The following SPEF2 variants were observed in gnomAD, a reference collection of about 807,000 sequenced individuals.
SPEF2 encodes the protein sperm flagella and cilia-associated protein 2.
Under a neutral mutation model 224.6 loss-of-function variants are expected in SPEF2, and 187 were observed. The observed-to-expected ratio is 0.83, with a 90% CI of 0.74 to 0.94. The LOEUF is 0.94. SPEF2 is among the 40% of genes least tolerant of loss of function. The probability of loss-of-function intolerance (pLI) is 0.00; values close to 1 mark genes in which losing one functional copy is unlikely to be tolerated. For synonymous variants in SPEF2, 715 were observed against 707.3 expected, an observed-to-expected ratio of 1.01 and a Z score of -0.17; for missense variants, 2,170 against 2,135.6, an observed-to-expected ratio of 1.02 and a Z score of -0.32.
chr5:35,763,718 T>A lies in SPEF2; in HGVS notation c.3801+16T>A. 1.4e-5 allele frequency: 22 copies of A among 1,588,680 alleles called. No homozygotes were observed. Among genetic ancestry groups the A allele is most frequent in the Non-Finnish European group, 1.9e-5 (22 of 1,171,720 alleles). On this transcript the variant is annotated intron_variant, in intron 26 of 36. Transcript: ENST00000356031. ...ATCTCACATGGTAAGCAGTGCTCGT[T>A]ATATTTTCTGTTAGTAATACACATT...
At chr5:35,707,924 T>C (rs1209499229) in intron 18 of SPEF2, among the ~76,000 whole-genome samples, 1 of 152,182 alleles carries the variant, frequency 6.6e-6, no homozygotes, top group African/African-American at 2.4e-5. Context: ...CCTTACTCTG[T>C]TCTATTTTTT....
chr5:35,621,837 AG>A (rs1302341382), intron 1 of SPEF2, among the ~76,000 whole-genome samples: 6 of 152,198 alleles, frequency 3.9e-5, no homozygotes, highest in African/African-American at 1.4e-4. Context: ...TTTCTGATCT[AG>A]AGGTGTTTCA....
chr5:35,643,773 A>G, intron 3 of SPEF2: 1 of 277,270 alleles, frequency 3.6e-6, no homozygotes, highest in Non-Finnish European at 7.3e-6. Context: ...CAGGTGCTTT[A>G]TGAATATTAT....
chr5:35,783,960 A>G (rs973066444), intron 30 of SPEF2, among the ~76,000 whole-genome samples: 13 of 152,158 alleles, frequency 8.5e-5, no homozygotes, highest in Non-Finnish European at 1.9e-4. Flanking sequence ...TTTGGTGCAT[A>G]GCTATTTTCG....
Position 35,727,826 on chromosome 5 carries a change from A to G in SPEF2, c.3063+3A>G. ...ATGTGAATGAACCAGTTCCTGAGGTATGGCCATTTAGAATCAAGCTGGCAG... is the reference window on the plus strand; with the variant it reads ...ATGTGAATGAACCAGTTCCTGAGGTGTGGCCATTTAGAATCAAGCTGGCAG... On this transcript the variant is annotated splice_donor_region_variant and intron_variant, in intron 21 of 36. Transcript: ENST00000356031. 1 of 1,606,894 alleles carries G rather than the reference A, an allele frequency of 6.2e-7. No individual in the cohort carries two copies. Among genetic ancestry groups the G allele is most frequent in the Admixed American group, 1.7e-5 (1 of 58,488 alleles).
At chr5:35,780,368 T>C (rs771358959) in intron 30 of SPEF2, among the ~76,000 whole-genome samples, 2 of 152,156 alleles carry the variant, frequency 1.3e-5, no homozygotes, top group Admixed American at 1.3e-4. Flanking sequence ...GAAATTGGTG[T>C]ATGTGTGTGT....
chr5:35,654,557 T>C lies in SPEF2; in HGVS notation c.809T>C (p.Leu270Ser). The part of the protein sequence containing the change: ...QAKESASKTS[L>S]DTAGQTTTDL... ...ATTCTTAGTGCATCCAAGACTTCTT[T>C]AGATACAGCAGGCCAGACAACCACC... Residue 270 changes from leucine (L) to serine (S), a missense_variant, in exon 7 of 37, where the codon TTA becomes TCA. Transcript: ENST00000356031. 6.3e-7 allele frequency: 1 copy of C among 1,588,346 alleles called. No homozygotes were observed. The highest frequency in any genetic ancestry group is 8.5e-7 in the Non-Finnish European group (1 of 1,172,958).
intron 26 of SPEF2, among the ~76,000 whole-genome samples, chr5:35,765,133 T>C (rs1224269693): frequency 6.6e-6 from 1 of 152,090 alleles, no homozygotes; most frequent in African/African-American, 2.4e-5. Context: ...TTCTTAAGAG[T>C]TTTATTACCC....
intron 23 of SPEF2, among the ~76,000 whole-genome samples, chr5:35,749,035 A>G (rs768677976): frequency 8.5e-5 from 13 of 152,186 alleles, no homozygotes; most frequent in Admixed American, 6.5e-5. Context: ...TAACATACAC[A>G]AGTCAATAAA....
intron 3 of SPEF2, 39 bp from the exon 4 acceptor site, chr5:35,644,316 T>C (rs769143430): frequency 1.4e-4 from 200 of 1,444,564 alleles, no homozygotes; most frequent in Non-Finnish European, 1.8e-4. Flanking sequence ...GTACTCTTTA[T>C]TCTCTAATAA....
chr5:35,623,585 T>C (rs150374652), intron 1 of SPEF2, among the ~76,000 whole-genome samples: 1 of 152,358 alleles, frequency 6.6e-6, no homozygotes, highest in East Asian at 1.9e-4. Context: ...TGGATGTGTC[T>C]ATTTAAATAT....
chr5:35,786,523 G>A (rs1272304664), intron 30 of SPEF2, among the ~76,000 whole-genome samples: 1 of 152,164 alleles, frequency 6.6e-6, no homozygotes, highest in Non-Finnish European at 1.5e-5. Context: ...AGCCGGGCGT[G>A]GTGGCAGTTG....
At chr5:35,705,942 T>A (rs1262334122) in intron 18 of SPEF2, 134 bp downstream of exon 18, 1 of 495,200 alleles carries the variant, frequency 2.0e-6, no homozygotes, top group Non-Finnish European at 3.3e-6. Flanking sequence ...AAATATATTC[T>A]GCCTCTGGCT....
intron 10 of SPEF2, among the ~76,000 whole-genome samples, chr5:35,682,743 C>T (rs886769153): frequency 6.6e-6 from 1 of 152,182 alleles, no homozygotes; most frequent in Non-Finnish European, 1.5e-5. Context: ...TCCAAAGGCC[C>T]AGATTCTGTT....
At chr5:35,657,226 G>A (rs900518811) in intron 7 of SPEF2, among the ~76,000 whole-genome samples, 1 of 152,188 alleles carries the variant, frequency 6.6e-6, no homozygotes, top group Non-Finnish European at 1.5e-5. Context: ...AGTTGTTCCA[G>A]TTTCTCCCTG....
chr5:35,654,459 A>T (rs1211289492), intron 6 of SPEF2, 81 bp from the exon 7 acceptor site: 11 of 1,139,776 alleles, frequency 9.7e-6, no homozygotes, highest in Non-Finnish European at 1.2e-5. Flanking sequence ...CCTTCTCCTG[A>T]GGTCTTTCTC....
chr5:35,781,434 G>C (rs769661924), intron 30 of SPEF2: 1 of 152,202 alleles, frequency 6.6e-6, no homozygotes, highest in African/African-American at 2.4e-5. Context: ...ACAGTTAGGG[G>C]AACAGCTGCT....
intron 33 of SPEF2, among the ~76,000 whole-genome samples, chr5:35,797,137 C>T (rs1756777841): frequency 6.6e-6 from 1 of 152,130 alleles, no homozygotes; most frequent in Non-Finnish European, 1.5e-5. Context: ...CAATCAAAGG[C>T]AGAATCTTTG....
At chr5:35,790,359 G>A (rs1755783344) in intron 30 of SPEF2, 2 of 539,550 alleles carry the variant, frequency 3.7e-6, no homozygotes, top group Non-Finnish European at 6.5e-6. Flanking sequence ...CTCAGAAAAT[G>A]AAAGTGATTA....
Sources: allele counts gnomAD v4.1 joint callset (sites outside exome capture counted in the v4.1 genomes callset), GRCh38; gene constraint gnomAD v4.1.1; transcripts MANE v1.5; gene names NCBI Gene and HGNC (gene_info 2026-07-23, HGNC 2026-07-21).